Variants in IL1RL2 observed in about 807,000 individuals in gnomAD.
IL1RL2 encodes interleukin 1 receptor like 2.
Under a neutral mutation model 66.8 loss-of-function variants are expected in IL1RL2, and 68 were observed. The observed-to-expected ratio is 1.02, with a 90% CI of 0.84 to 1.25. The LOEUF is 1.25. IL1RL2 is among the 50% of genes most tolerant of loss of function. The pLI, the probability that IL1RL2 is intolerant of heterozygous loss-of-function variation, is 0.00. For missense variants in IL1RL2, 729 were observed against 709.3 expected (o/e 1.03, Z -0.32); for synonymous variants, 305 against 264.6 (o/e 1.15, Z -1.48).
Position 102,189,809 on chromosome 2 carries a change from T to C in IL1RL2, c.293+499T>C, listed in dbSNP as rs371664322. Among the ~76,000 whole-genome samples the C allele has an allele frequency of 3.0e-4, 46 of 152,252 alleles. No individual in the cohort carries two copies. The East Asian group carries it at 8.5e-3, about 28-fold the overall frequency. Reference sequence around the variant, plus strand: ...CTGGGATTATAGGCGCAAGCCACCATGCTTGGCTAATTTTTTGTATTTTTA... The same window carrying C: ...CTGGGATTATAGGCGCAAGCCACCACGCTTGGCTAATTTTTTGTATTTTTA... On this transcript the variant is annotated intron_variant, in intron 3 of 11. Transcript: ENST00000264257.
intron 5 of IL1RL2, among the ~76,000 whole-genome samples, chr2:102,211,170 C>A (rs1021659020): frequency 5.3e-5 from 8 of 152,058 alleles, no homozygotes; most frequent in African/African-American, 1.9e-4. Flanking sequence ...TTTATTATTG[C>A]CATCATAAAA....
chr2:102,206,290 GTGT>G (rs1007644985), intron 5 of IL1RL2, among the ~76,000 whole-genome samples: 2 of 152,116 alleles, frequency 1.3e-5, no homozygotes, highest in Non-Finnish European at 2.9e-5. Context: ...TTCCTGGATG[GTGT>G]TGATGCTAGT....
Position 102,189,098 on chromosome 2 carries a change from G to GA in IL1RL2, c.86dup (p.Asn29LysfsTer2), listed in dbSNP as rs773603647. The GA allele has an allele frequency of 6.2e-7, 1 of 1,613,322 alleles. No individual in the cohort carries two copies. Among genetic ancestry groups the GA allele is most frequent in the East Asian group, 2.2e-5 (1 of 44,852 alleles). On this transcript the variant is annotated frameshift_variant, in exon 3 of 12. Transcript: ENST00000264257. LOFTEE classifies it high-confidence loss of function. Reference sequence around the variant, plus strand: ...TAGATGGATGCAAGGACATTTTTATGAAAAATGAGATACTTTCAGCAAGCC... The same window carrying GA: ...TAGATGGATGCAAGGACATTTTTATGAAAAAATGAGATACTTTCAGCAAGCC...
At chr2:102,189,500 A>G (rs1687039254) in intron 3 of IL1RL2, among the ~76,000 whole-genome samples, 190 bp downstream of exon 3, 1 of 152,208 alleles carries the variant, frequency 6.6e-6, no homozygotes, top group African/African-American at 2.4e-5. Context: ...TTGGAACCTG[A>G]TATGCATCTT....
chr2:102,191,969 T>C lies in IL1RL2; in HGVS notation c.338T>C (p.Phe113Ser), dbSNP rs1285253765. Residue 113 changes from phenylalanine to serine, a missense_variant, in exon 4 of 12, where the codon TTT (phenylalanine) becomes TCT (serine). Coordinates refer to ENST00000264257, the MANE Select transcript of IL1RL2 (RefSeq NM_003854.4). ...CHRIHVNLTV[F>S]EKHWCDTSIG... ...AGAATACATGTAAACCTAACTGTTT[T>C]TGAAAAACATTGGTGTGACACTTCC... The C allele has an allele frequency of 6.2e-7, 1 of 1,612,848 alleles. No individual in the cohort carries two copies. The highest frequency in any genetic ancestry group is 1.3e-5 in the African/African-American group (1 of 74,852).
intron 5 of IL1RL2, among the ~76,000 whole-genome samples, 182 bp from the exon 6 acceptor site, chr2:102,211,918 A>ATT (rs138145179): frequency 0.26 from 39,505 of 150,168 alleles, 6,116 homozygotes; most frequent in East Asian, 0.38. Context: ...CTTCTAGCTT[A>ATT]TTTTTTTTTT....
intron 6 of IL1RL2, among the ~76,000 whole-genome samples, chr2:102,218,283 C>A (rs570103683): frequency 2.0e-5 from 3 of 152,136 alleles, no homozygotes; most frequent in African/African-American, 7.2e-5. Flanking sequence ...ATTTCACAAT[C>A]ATTTTTTAAA....
At chr2:102,207,591 G>A (rs547967989) in intron 5 of IL1RL2, among the ~76,000 whole-genome samples, 37 of 152,112 alleles carry the variant, frequency 2.4e-4, no homozygotes, top group Non-Finnish European at 4.9e-4. Context: ...TCTTGCTGTG[G>A]CTGAGCTGGC....
intron 11 of IL1RL2, 129 bp from the exon 12 acceptor site, chr2:102,239,063 C>A: frequency 1.3e-6 from 1 of 743,984 alleles, no homozygotes; most frequent in South Asian, 1.5e-5. Context: ...AAATGGAAGC[C>A]TCAGGGATAT....
intron 11 of IL1RL2, among the ~76,000 whole-genome samples, chr2:102,238,912 T>C (rs917932588): frequency 1.3e-5 from 2 of 152,150 alleles, no homozygotes; most frequent in Non-Finnish European, 2.9e-5. Context: ...AGAGGAGCTC[T>C]CCACTTGAGA....
chr2:102,198,403 C>T (rs1299972774), intron 4 of IL1RL2, among the ~76,000 whole-genome samples: 1 of 152,142 alleles, frequency 6.6e-6, no homozygotes, highest in East Asian at 1.9e-4. Context: ...TCTGTCTACA[C>T]CTGGAAAAGT....
At chr2:102,196,493 T>C (rs1180729826) in intron 4 of IL1RL2, among the ~76,000 whole-genome samples, 2 of 152,140 alleles carry the variant, frequency 1.3e-5, no homozygotes, top group African/African-American at 4.8e-5. Flanking sequence ...ATATCTGGAG[T>C]CTGTGATCTT....
At chr2:102,235,524 C>A in intron 11 of IL1RL2, 1 of 985,414 alleles carries the variant, frequency 1.0e-6, no homozygotes, top group Non-Finnish European at 1.2e-6. Flanking sequence ...TTGACACATG[C>A]CCACTCACTG....
chr2:102,203,042 G>C (rs1455367395), intron 5 of IL1RL2, among the ~76,000 whole-genome samples: 2 of 152,074 alleles, frequency 1.3e-5, no homozygotes, highest in Admixed American at 1.3e-4. Flanking sequence ...TTATTACATT[G>C]AGACATGTTC....
upstream of IL1RL2, chr2:102,186,991 G>C (rs1284469584): frequency 7.8e-7 from 1 of 1,288,496 alleles, no homozygotes. Context: ...CGGTGGCGGG[G>C]AAATACCTAG....
intron 6 of IL1RL2, among the ~76,000 whole-genome samples, chr2:102,213,574 C>T (rs1689363695): frequency 6.6e-6 from 1 of 151,972 alleles, no homozygotes; most frequent in Non-Finnish European, 1.5e-5. Flanking sequence ...TAATTATTTG[C>T]ATTTTTGATT....
intron 4 of IL1RL2, among the ~76,000 whole-genome samples, chr2:102,200,134 A>T (rs1311258774): frequency 6.6e-6 from 1 of 151,130 alleles, no homozygotes; most frequent in East Asian, 1.9e-4. Flanking sequence ...AAAAAAAAAA[A>T]AAAAAGTGCT....
At chr2:102,240,940 A>G (rs1675213399), downstream of IL1RL2, among the ~76,000 whole-genome samples, 1 of 152,272 alleles carries the variant, frequency 6.6e-6, no homozygotes, top group Non-Finnish European at 1.5e-5. Context: ...ACACAGGACA[A>G]ACAAGGTCAC....
Position 102,239,370 on chromosome 2 carries a change from C to G in IL1RL2, c.*129C>G. The G allele has an allele frequency of 3.6e-6, 3 of 839,072 alleles. No homozygotes were observed. The South Asian group carries it at 4.2e-5, about 12-fold the overall frequency. The allele number at this position is 839,072 out of a possible 1,614,324, so 52.0% of individuals were successfully genotyped here. ...TTCTAGACACCCAGTTGAGCTCAGG[C>G]GTAGAGAAGAGGAGGATGGGATAAG... On this transcript the variant is annotated 3_prime_UTR_variant, in exon 12 of 12. Transcript: ENST00000264257.
Sources: gnomAD v4.1 joint callset for allele counts (sites outside exome capture counted in the v4.1 genomes callset) on GRCh38, gnomAD v4.1.1 for gene constraint, MANE v1.5 for transcripts, NCBI Gene and HGNC (gene_info 2026-07-23, HGNC 2026-07-21) for gene names.